Variants in JMJD1C observed in about 807,000 individuals in gnomAD.
JMJD1C encodes jumonji domain-containing protein 1C.
A neutral mutation model predicts 245.3 loss-of-function variants in JMJD1C; 31 were observed. The observed-to-expected ratio is 0.13, with a 90% confidence interval of 0.09 to 0.17. JMJD1C has a LOEUF of 0.17. JMJD1C is among the 10% of genes least tolerant of loss of function. The pLI, the probability that JMJD1C is intolerant of heterozygous loss-of-function variation, is 1.00. For synonymous variants in JMJD1C, 1,057 were observed against 1,017.4 expected (o/e 1.04, Z -0.74); for missense variants, 2,691 against 3,000.2 (o/e 0.90, Z 2.41).
At chr10:63,282,293 T>C (rs1443707061) in intron 2 of JMJD1C, among the ~76,000 whole-genome samples, 2 of 152,226 alleles carry the variant, frequency 1.3e-5, no homozygotes, top group African/African-American at 2.4e-5. Context: ...TACGATGCAG[T>C]ATCTATTTTT....
chr10:63,510,488 C>T (rs72837061), intron 1 of JMJD1C, among the ~76,000 whole-genome samples: 8,861 of 152,174 alleles, frequency 0.058, 426 homozygotes, highest in African/African-American at 0.13. Context: ...GTTGTTTAAT[C>T]TTCCACATAT....
In JMJD1C at chr10:63,412,577, GC is replaced by G. The variant is rs1426282824; in HGVS notation, c.169-32096del. 3.3e-5 allele frequency among the ~76,000 whole-genome samples: 5 copies of G among 152,268 alleles called. No homozygotes were observed. The East Asian group carries it at 9.7e-4, about 29-fold the overall frequency. On this transcript the variant is annotated intron_variant, in intron 1 of 25. Transcript: ENST00000399262. ...AGGAGGTGGCTAAAAACCTATCACA[GC>G]ATGTACTAAAGTTAATTTTATGTAG...
chr10:63,299,356 C>CTTT (rs761917728), intron 2 of JMJD1C, among the ~76,000 whole-genome samples: 35 of 89,648 alleles, frequency 3.9e-4, no homozygotes, highest in Non-Finnish European at 5.9e-4. Flanking sequence ...CTAATTTTTC[C>CTTT]ATTTTTTTTT....
chr10:63,419,274 C>A (rs974189169), intron 1 of JMJD1C, among the ~76,000 whole-genome samples: 1 of 151,922 alleles, frequency 6.6e-6, no homozygotes, highest in African/African-American at 2.4e-5. Flanking sequence ...GTAATTCCAG[C>A]TACTCGAGAG....
chr10:63,293,724 A>G (rs1859042790), intron 2 of JMJD1C, among the ~76,000 whole-genome samples: 1 of 152,096 alleles, frequency 6.6e-6, no homozygotes, highest in Admixed American at 6.6e-5. Flanking sequence ...ATGATAACCT[A>G]TAAGAGGCTT....
chr10:63,446,023 G>A (rs762765378), intron 1 of JMJD1C, among the ~76,000 whole-genome samples: 5 of 151,580 alleles, frequency 3.3e-5, no homozygotes, highest in Non-Finnish European at 7.4e-5. Flanking sequence ...CTACAGGTGC[G>A]TGCCACCACG....
At chr10:63,493,245 A>ATTTTTTT in intron 1 of JMJD1C, among the ~76,000 whole-genome samples, 1 of 39,308 alleles carries the variant, frequency 2.5e-5, no homozygotes, top group Non-Finnish European at 5.0e-5. Context: ...CAAAACTGTT[A>ATTTTTTT]TTTCTTTTTT....
At chr10:63,375,535 C>CATGT (rs112826257) in intron 2 of JMJD1C, among the ~76,000 whole-genome samples, 9 of 147,374 alleles carry the variant, frequency 6.1e-5, no homozygotes, top group African/African-American at 1.8e-4. Context: ...AATATTTACA[C>CATGT]GTGTGTGTGT....
At chr10:63,231,592 G>A (rs1335511503) in intron 3 of JMJD1C, among the ~76,000 whole-genome samples, 1 of 152,050 alleles carries the variant, frequency 6.6e-6, no homozygotes, top group East Asian at 1.9e-4. Flanking sequence ...TCAGGAGTTC[G>A]AGATCAGCCT....
intron 3 of JMJD1C, among the ~76,000 whole-genome samples, chr10:63,244,790 G>A (rs1344520211): frequency 8.3e-6 from 1 of 119,880 alleles, no homozygotes; most frequent in Non-Finnish European, 1.6e-5. Flanking sequence ...CTGGGTGACA[G>A]AGCAACACTC....
intron 2 of JMJD1C, among the ~76,000 whole-genome samples, chr10:63,271,573 T>C (rs1419772242): frequency 6.6e-6 from 1 of 151,794 alleles, no homozygotes; most frequent in Non-Finnish European, 1.5e-5. Flanking sequence ...TTTTTTGAGA[T>C]AGAGTTTCGC....
At chr10:63,211,987 C>A (rs1847417350) in intron 8 of JMJD1C, among the ~76,000 whole-genome samples, 2 of 129,880 alleles carry the variant, frequency 1.5e-5, no homozygotes, top group African/African-American at 5.3e-5. Flanking sequence ...GAATATTATA[C>A]AGCCTTAAAT....
chr10:63,215,105 T>C lies in JMJD1C; in HGVS notation c.1062A>G (p.Lys354=). ...KNKHLMNKRR[K]PEEDEKKLNM... ...TTAGTTTCTTTTCATCCTCCTCAGG[T>C]TTCCTTCTTTTATTCATCAAGTGTT... The change falls in exon 8 of 26, where the codon AAA becomes AAG. Residue 354 remains lysine, a synonymous_variant. Transcript: ENST00000399262. 6.3e-7 allele frequency: 1 copy of C among 1,579,120 alleles called. No individual in the cohort carries two copies. Among genetic ancestry groups the C allele is most frequent in the South Asian group, 1.2e-5 (1 of 83,550 alleles).
chr10:63,430,002 T>C (rs1457823024), intron 1 of JMJD1C, among the ~76,000 whole-genome samples: 1 of 152,184 alleles, frequency 6.6e-6, no homozygotes, highest in Non-Finnish European at 1.5e-5. Flanking sequence ...CCAGATTCAA[T>C]ATTAAGAATA....
rs1249615606 is a variant in JMJD1C, at chr10:63,337,316, C to G, written c.333+43002G>C. Among the ~76,000 whole-genome samples the G allele has an allele frequency of 2.7e-5, 4 of 150,644 alleles. No individual in the cohort carries two copies. The East Asian group carries it at 7.9e-4, about 30-fold the overall frequency. ...AATTAGCCGGGCGTGGTGGCACACG[C>G]CTGTAGTACCAGCTACTCGGGAGGC... On this transcript the variant is annotated intron_variant, in intron 2 of 25. Transcript: ENST00000399262.
Position 63,207,643 on chromosome 10 carries a change from G to C in JMJD1C, c.4026C>G (p.Cys1342Trp). The change falls in exon 10 of 26, where the codon TGC (cysteine) becomes TGG (tryptophan). Residue 1342 changes from cysteine (C) to tryptophan (W), a missense_variant. Cys to Trp is a radical substitution (Grantham distance 215, BLOSUM62 -2). Around this residue, in one of 9 missense-constraint regions of JMJD1C, gnomAD observed 1,562 missense variants for 1,490.7 expected, o/e 1.05. Transcript: ENST00000399262. ...RSSAGAHKTDCLKLAEAGETG... is the reference protein window; with the variant it reads ...RSSAGAHKTDWLKLAEAGETG... ...TTTCTCCGGCTTCTGCTAGTTTGAG[G>C]CAATCTGTTTTATGTGCCCCAGCTG... is the stretch of plus-strand genomic sequence containing the variant. 1 of 1,614,058 alleles carries C rather than the reference G, an allele frequency of 6.2e-7. No individual in the cohort carries two copies. Among genetic ancestry groups the C allele is most frequent in the South Asian group, 1.1e-5 (1 of 91,078 alleles).
chr10:63,191,979 G>A (rs1382482653), intron 16 of JMJD1C, among the ~76,000 whole-genome samples: 2 of 52,232 alleles, frequency 3.8e-5, no homozygotes, highest in East Asian at 5.6e-4. Context: ...GTGAGACTCT[G>A]TCTCAAAAAA....
chr10:63,222,362 T>C lies in JMJD1C; in HGVS notation c.448-2379A>G, dbSNP rs1364403740. The stretch of plus-strand genomic sequence containing the variant: ...GCATTTGGCACAAACAAATCATATG[T>C]TTTTCAGTACAGCTGGATGTCATCC... On this transcript the variant is annotated intron_variant, in intron 3 of 25. Coordinates refer to ENST00000399262, the MANE Select transcript of JMJD1C (RefSeq NM_032776.3). The C allele has an allele frequency of 6.2e-6, 7 of 1,130,348 alleles. 1 individual carries two copies. In the Admixed American group the frequency reaches 1.0e-4, roughly 16 times the overall value. The allele number at this position is 1,130,348 out of a possible 1,614,324, so 70.0% of individuals were successfully genotyped here. A position where few individuals can be genotyped will look rare whatever the true frequency, so the allele number is the denominator to read the frequency against.
chr10:63,322,005 G>C (rs1421196395), intron 2 of JMJD1C, among the ~76,000 whole-genome samples: 2 of 152,164 alleles, frequency 1.3e-5, no homozygotes, highest in Non-Finnish European at 2.9e-5. Context: ...CACACTTCTT[G>C]AATGTCTTTT....
Sources: gnomAD v4.1 joint callset for allele counts (sites outside exome capture counted in the v4.1 genomes callset) on GRCh38, gnomAD v4.1.1 for gene constraint, gnomAD v4.1.1 regional missense constraint, MANE v1.5 for transcripts, NCBI Gene and HGNC (gene_info 2026-07-23, HGNC 2026-07-21) for gene names.